The following CNTN4 variants were observed in gnomAD, a reference collection of about 807,000 sequenced individuals.
CNTN4 encodes contactin-4.
CNTN4 carries 77 observed loss-of-function variants against 122.5 expected under a neutral mutation model. The ratio of observed to expected loss-of-function variants is 0.63; its 90% CI spans 0.52 to 0.76. The LOEUF is 0.76. Among genes scored for constraint, CNTN4 ranks in the 30% least tolerant of loss-of-function variants. The pLI is 0.00. For missense variants in CNTN4, 1,256 were observed against 1,259.1 expected (o/e 1.00, Z 0.04); for synonymous variants, 512 against 447.0 (o/e 1.15, Z -1.83).
intron 2 of CNTN4, among the ~76,000 whole-genome samples, chr3:2,274,539 G>T (rs1483047205): frequency 1.3e-5 from 2 of 151,608 alleles, no homozygotes; most frequent in African/African-American, 2.4e-5. Context: ...CCTCAGTCTG[G>T]CTACTTACTT....
At chr3:3,054,072 C>A in intron 24 of CNTN4, 97 bp downstream of exon 24, 1 of 1,282,330 alleles carries the variant, frequency 7.8e-7, no homozygotes, top group Non-Finnish European at 1.1e-6. Context: ...CCTGCAAAAG[C>A]AGACTTAAAA....
chr3:2,130,440 A>G (rs192727936), intron 2 of CNTN4, among the ~76,000 whole-genome samples: 2 of 152,326 alleles, frequency 1.3e-5, no homozygotes, highest in Admixed American at 6.5e-5. Flanking sequence ...TATAAAACCA[A>G]TGGTATTTAA....
chr3:2,430,957 C>T (rs1322321250), intron 3 of CNTN4, among the ~76,000 whole-genome samples: 5 of 152,116 alleles, frequency 3.3e-5, no homozygotes, highest in African/African-American at 4.8e-5. Context: ...CACATATCCA[C>T]CCTTTAGACT....
chr3:2,972,169 A>G (rs1159776205), intron 13 of CNTN4, among the ~76,000 whole-genome samples: 3 of 152,186 alleles, frequency 2.0e-5, no homozygotes, highest in Non-Finnish European at 2.9e-5. Context: ...CAAAGCGAGT[A>G]TCCCTAAATC....
At chr3:2,677,189 A>G (rs1201150458) in intron 4 of CNTN4, among the ~76,000 whole-genome samples, 1 of 149,678 alleles carries the variant, frequency 6.7e-6, no homozygotes, top group Non-Finnish European at 1.5e-5. Context: ...ATATATATAG[A>G]TATATCTCTC....
At chr3:2,354,051 G>C in intron 3 of CNTN4, among the ~76,000 whole-genome samples, 1 of 152,184 alleles carries the variant, frequency 6.6e-6, no homozygotes, top group East Asian at 1.9e-4. Context: ...GTAACCTAAA[G>C]TAGGTTCCAA....
At chr3:2,521,800 G>T (rs947931309) in intron 3 of CNTN4, among the ~76,000 whole-genome samples, 1 of 152,062 alleles carries the variant, frequency 6.6e-6, no homozygotes, top group Non-Finnish European at 1.5e-5. Flanking sequence ...CCAGCTAGAA[G>T]GAGTTACAGA....
chr3:2,159,463 T>C (rs17786674), intron 2 of CNTN4, among the ~76,000 whole-genome samples: 31,744 of 152,172 alleles, frequency 0.21, 4,218 homozygotes, highest in Non-Finnish European at 0.31. Context: ...AACCTGAATA[T>C]TGGAAAAGAA....
chr3:2,824,369 A>G (rs2092941144), intron 7 of CNTN4, among the ~76,000 whole-genome samples: 1 of 151,716 alleles, frequency 6.6e-6, no homozygotes, highest in Non-Finnish European at 1.5e-5. Flanking sequence ...AGACAGGAGA[A>G]TTGCTTGAAC....
intron 3 of CNTN4, among the ~76,000 whole-genome samples, chr3:2,521,367 C>A: frequency 8.5e-6 from 1 of 117,580 alleles, no homozygotes; most frequent in African/African-American, 3.3e-5. Flanking sequence ...CGCAATAAGT[C>A]ACTCATTTCT....
chr3:2,298,165 C>T (rs2042381050), intron 2 of CNTN4, among the ~76,000 whole-genome samples: 1 of 152,158 alleles, frequency 6.6e-6, no homozygotes, highest in South Asian at 2.1e-4. Flanking sequence ...TAATTAGTAG[C>T]AAATCACCTT....
chr3:2,613,526 T>C (rs1054862759), intron 4 of CNTN4, among the ~76,000 whole-genome samples: 9 of 152,180 alleles, frequency 5.9e-5, no homozygotes, highest in Non-Finnish European at 1.2e-4. Flanking sequence ...GCACTATTTG[T>C]ATTTCACATT....
chr3:2,587,227 T>C (rs1275739421), intron 4 of CNTN4, among the ~76,000 whole-genome samples: 1 of 152,188 alleles, frequency 6.6e-6, no homozygotes, highest in Non-Finnish European at 1.5e-5. Context: ...CTCAGGGGAA[T>C]TATGATAATT....
chr3:2,385,625 AGTT>A lies in CNTN4; in HGVS notation c.-89+46396_-89+46398del, dbSNP rs2046223987. On this transcript the variant is annotated intron_variant, in intron 3 of 24. Coordinates refer to ENST00000418658, the MANE Select transcript of CNTN4 (RefSeq NM_175607.3). This position sits in a 1 kb window ranked among gnomAD's most constrained non-coding sequence, Gnocchi z 4.0. ...GCATCTCTCAGCTTCTGTTAGCCCCAGTTGTTCTGCAGCTTGTGGGAGCATAAC... is the reference window on the plus strand; with the variant it reads ...GCATCTCTCAGCTTCTGTTAGCCCCAGTTCTGCAGCTTGTGGGAGCATAAC... Among the ~76,000 whole-genome samples the A allele has an allele frequency of 6.6e-6, 1 of 152,036 alleles. No individual in the cohort carries two copies. The highest frequency in any genetic ancestry group is 2.4e-5 in the African/African-American group (1 of 41,426).
intron 2 of CNTN4, among the ~76,000 whole-genome samples, chr3:2,183,745 C>T (rs972516623): frequency 5.9e-5 from 9 of 151,984 alleles, no homozygotes; most frequent in Non-Finnish European, 1.0e-4. Context: ...GGTTATGCAC[C>T]CAAAGCCATA....
chr3:2,815,480 CAT>C (rs1437660550), intron 6 of CNTN4, among the ~76,000 whole-genome samples: 8 of 152,086 alleles, frequency 5.3e-5, no homozygotes, highest in Non-Finnish European at 1.2e-4. Flanking sequence ...AGCCAAAAAA[CAT>C]AGGAAAAATG....
chr3:2,588,258 A>G (rs369720209), intron 4 of CNTN4, among the ~76,000 whole-genome samples: 1 of 152,200 alleles, frequency 6.6e-6, no homozygotes, highest in Non-Finnish European at 1.5e-5. Flanking sequence ...GAGATTTTAA[A>G]GACATGCTGG....
At chr3:2,813,658 A>T (rs1248654131) in intron 6 of CNTN4, among the ~76,000 whole-genome samples, 4 of 152,152 alleles carry the variant, frequency 2.6e-5, no homozygotes, top group Non-Finnish European at 5.9e-5. Flanking sequence ...TCCATTAATT[A>T]TGACCTAAAT....
intron 7 of CNTN4, among the ~76,000 whole-genome samples, chr3:2,844,943 A>G (rs926200295): frequency 2.6e-5 from 4 of 152,028 alleles, no homozygotes; most frequent in African/African-American, 9.7e-5. Context: ...AATTTGGAGC[A>G]CTCTGTTCCT....
Sources: gnomAD v4.1 joint callset for allele counts (sites outside exome capture counted in the v4.1 genomes callset) on GRCh38, gnomAD v4.1.1 for gene constraint, Gnocchi (gnomAD v3.1) non-coding constraint, MANE v1.5 for transcripts, NCBI Gene and HGNC (gene_info 2026-07-23, HGNC 2026-07-21) for gene names.